RAB3B: variants seen among roughly 807,000 people sequenced by gnomAD.
RAB3B encodes RAB3B, member RAS oncogene family.
RAB3B carries 11 observed loss-of-function variants against 20.5 expected under a neutral mutation model. That is an observed-to-expected ratio of 0.54 (90% CI 0.34 to 0.89). RAB3B has a LOEUF of 0.89. RAB3B is among the 40% of genes least tolerant of loss of function. The probability of loss-of-function intolerance (pLI) is 0.02; values close to 1 mark genes in which losing one functional copy is unlikely to be tolerated. For missense variants in RAB3B, 225 were observed against 280.9 expected, an observed-to-expected ratio of 0.80 and a Z score of 1.42; for synonymous variants, 99 against 106.3, an observed-to-expected ratio of 0.93 and a Z score of 0.42.
chr1:51,908,453 T>C lies in RAB3B; in HGVS notation c.*11474A>G, dbSNP rs1484415528. ...GGGGGAATTGAATATGATATGCAAA[T>C]TGCATAAGGTGACATCTCTCTGTGT... On this transcript the variant is annotated 3_prime_UTR_variant, in exon 5 of 5. Transcript: ENST00000371655. The C allele has an allele frequency of 6.6e-6, 1 of 152,022 alleles. No individual in the cohort carries two copies. The highest frequency in any genetic ancestry group is 1.5e-5 in the Non-Finnish European group (1 of 68,008). 9.4% of individuals were successfully genotyped at this position (152,022 alleles called of 1,614,324 possible).
In RAB3B at chr1:51,964,585, C is replaced by G. The variant is rs1684823188; in HGVS notation, c.228+12305G>C. On this transcript the variant is annotated intron_variant, in intron 2 of 4. Transcript: ENST00000371655. The stretch of plus-strand genomic sequence containing the variant: ...GTATCTCCAACTTAGCATAACCAAA[C>G]TGAATCCCCAACTCTCTCTCTCTAA... Among the ~76,000 whole-genome samples, 12 of 152,158 alleles carry G rather than the reference C, an allele frequency of 7.9e-5. No homozygotes were observed. The South Asian group carries it at 2.5e-3, about 32-fold the overall frequency.
At chr1:51,983,564 C>T (rs1340720128) in intron 1 of RAB3B, among the ~76,000 whole-genome samples, 2 of 152,038 alleles carry the variant, frequency 1.3e-5, no homozygotes, top group Admixed American at 6.6e-5. Flanking sequence ...ACTATGAAAT[C>T]GGCTAATGAC....
At chr1:51,929,965 T>C (rs114005544) in intron 4 of RAB3B, among the ~76,000 whole-genome samples, 3 of 152,170 alleles carry the variant, frequency 2.0e-5, no homozygotes, top group Non-Finnish European at 2.9e-5. Flanking sequence ...GCTGGGTCCT[T>C]AGGATAATGA....
chr1:51,988,710 C>A (rs1052032005), intron 1 of RAB3B, among the ~76,000 whole-genome samples: 1 of 152,178 alleles, frequency 6.6e-6, no homozygotes, highest in African/African-American at 2.4e-5. Context: ...GCACCAGGAC[C>A]TGTGCTATAC....
At chr1:51,981,845 T>C (rs1318286792) in intron 1 of RAB3B, among the ~76,000 whole-genome samples, 1 of 152,204 alleles carries the variant, frequency 6.6e-6, no homozygotes, top group African/African-American at 2.4e-5. Flanking sequence ...ACCTACTGCA[T>C]TGCCAGTTGT....
chr1:51,938,361 T>A (rs1043708235), intron 2 of RAB3B, among the ~76,000 whole-genome samples: 3 of 151,980 alleles, frequency 2.0e-5, no homozygotes, highest in African/African-American at 7.3e-5. Flanking sequence ...ATTAGAAAAA[T>A]TTTCCCTATA....
At chr1:51,926,320 C>T (rs1684243396) in intron 4 of RAB3B, among the ~76,000 whole-genome samples, 1 of 152,156 alleles carries the variant, frequency 6.6e-6, no homozygotes, top group Non-Finnish European at 1.5e-5. Context: ...TGTGAACTGC[C>T]CTGCCTGCAA....
At chr1:51,980,471 A>G (rs1187978568) in intron 1 of RAB3B, 1 of 663,490 alleles carries the variant, frequency 1.5e-6, no homozygotes. Context: ...CATGCCTCCA[A>G]GATGACAAAG....
chr1:51,983,636 A>G (rs1685115173), intron 1 of RAB3B, among the ~76,000 whole-genome samples: 1 of 152,128 alleles, frequency 6.6e-6, no homozygotes, highest in Non-Finnish European at 1.5e-5. Flanking sequence ...TACTACAAAA[A>G]TTTAGTAGTA....
At chr1:51,946,780 A>G (rs981560043) in intron 2 of RAB3B, among the ~76,000 whole-genome samples, 6 of 152,150 alleles carry the variant, frequency 3.9e-5, no homozygotes, top group South Asian at 2.1e-4. Context: ...TGCCAGGCAC[A>G]TGTTAGTAGG....
intron 2 of RAB3B, among the ~76,000 whole-genome samples, chr1:51,966,725 T>C: frequency 6.6e-6 from 1 of 152,194 alleles, no homozygotes; most frequent in Non-Finnish European, 1.5e-5. Flanking sequence ...ACTTGCTGCC[T>C]AGAAAAATCA....
intron 4 of RAB3B, among the ~76,000 whole-genome samples, chr1:51,923,362 C>G (rs1040696602): frequency 6.6e-6 from 1 of 152,050 alleles, no homozygotes; most frequent in African/African-American, 2.4e-5. Flanking sequence ...GAGGGAGAGG[C>G]TGGCAGGGAA....
chr1:51,928,552 C>T (rs1684278874), intron 4 of RAB3B, among the ~76,000 whole-genome samples: 1 of 152,214 alleles, frequency 6.6e-6, no homozygotes, highest in East Asian at 1.9e-4. Context: ...ACCACTGAAA[C>T]TGACTTAATA....
At position 51,912,877 on chromosome 1, in the gene RAB3B, T is replaced by A. The variant is rs947391759; in HGVS notation, c.*7050A>T. ...CTGTGAAGACTGGGGTTCAAACAAG[T>A]TTGGGGGCAGAATCAAGAGTTTCAA... On this transcript the variant is annotated 3_prime_UTR_variant, in exon 5 of 5. Transcript: ENST00000371655. 6.6e-6 allele frequency: 1 copy of A among 151,798 alleles called. No individual in the cohort carries two copies. The highest frequency in any genetic ancestry group is 1.5e-5 in the Non-Finnish European group (1 of 67,948). The allele number at this position is 151,798 out of a possible 1,614,324, so 9.4% of individuals were successfully genotyped here.
At chr1:51,928,179 T>C (rs1205024379) in intron 4 of RAB3B, among the ~76,000 whole-genome samples, 2 of 152,158 alleles carry the variant, frequency 1.3e-5, no homozygotes, top group Non-Finnish European at 2.9e-5. Flanking sequence ...CGATCTCTGC[T>C]CACCGCAACC....
At chr1:51,923,578 T>C (rs972613121) in intron 4 of RAB3B, among the ~76,000 whole-genome samples, 1 of 151,956 alleles carries the variant, frequency 6.6e-6, no homozygotes, top group Non-Finnish European at 1.5e-5. Context: ...TAACCGGGTG[T>C]GGTGGCACTG....
At chr1:51,926,041 CT>C (rs1684239592) in intron 4 of RAB3B, among the ~76,000 whole-genome samples, 1 of 152,218 alleles carries the variant, frequency 6.6e-6, no homozygotes, top group South Asian at 2.1e-4. Flanking sequence ...CTGCCAATAT[CT>C]TCCTTTGGCT....
At chr1:51,952,386 AG>A (rs1684652712) in intron 2 of RAB3B, among the ~76,000 whole-genome samples, 1 of 152,210 alleles carries the variant, frequency 6.6e-6, no homozygotes, top group African/African-American at 2.4e-5. Context: ...ATTTCCACCA[AG>A]ATAAAGGCAC....
At position 51,918,178 on chromosome 1, in the gene RAB3B, T is replaced by C. The variant is rs903878376; in HGVS notation, c.*1749A>G. 2 of 152,212 alleles carry C rather than the reference T, an allele frequency of 1.3e-5. No individual in the cohort carries two copies. The highest frequency in any genetic ancestry group is 2.9e-5 in the Non-Finnish European group (2 of 68,036). The allele number at this position is 152,212 out of a possible 1,614,324, so 9.4% of individuals were successfully genotyped here. On this transcript the variant is annotated 3_prime_UTR_variant, in exon 5 of 5. Coordinates refer to ENST00000371655, the MANE Select transcript of RAB3B (RefSeq NM_002867.4). ...CCACCAGAAGTGGTTTCCCACACTC[T>C]CTGGTAGAAACTAAGGTTTCACTCC...
Sources: gnomAD v4.1 joint callset for allele counts (sites outside exome capture counted in the v4.1 genomes callset) on GRCh38, gnomAD v4.1.1 for gene constraint, MANE v1.5 for transcripts, NCBI Gene and HGNC (gene_info 2026-07-23, HGNC 2026-07-21) for gene names.